SGCZ: variants seen among roughly 807,000 people sequenced by gnomAD.
The protein encoded by SGCZ is sarcoglycan zeta.
Under a neutral mutation model 41.3 loss-of-function variants are expected in SGCZ, and 40 were observed. The ratio of observed to expected loss-of-function variants is 0.97; its 90% CI spans 0.75 to 1.26. The LOEUF is 1.26. Among genes scored for constraint, SGCZ ranks in the 50% most tolerant of loss-of-function variants. The pLI, the probability that SGCZ is intolerant of heterozygous loss-of-function variation, is 0.00. For synonymous variants in SGCZ, 206 were observed against 137.5 expected (o/e 1.50, Z -3.49); for missense variants, 552 against 369.8 (o/e 1.49, Z -4.04).
chr8:14,803,185 AAAT>A (rs1801384504), intron 1 of SGCZ, among the ~76,000 whole-genome samples: 1 of 152,166 alleles, frequency 6.6e-6, no homozygotes, highest in Admixed American at 6.5e-5. Flanking sequence ...TAAAAAAGTG[AAAT>A]AATCACCTTT....
At chr8:15,218,579 A>C (rs1801493125) in intron 1 of SGCZ, among the ~76,000 whole-genome samples, 1 of 152,222 alleles carries the variant, frequency 6.6e-6, no homozygotes, top group East Asian at 1.9e-4. Flanking sequence ...CCCAGGACAG[A>C]TTTTAACATG....
At chr8:14,115,864 C>T (rs1159011494) in intron 5 of SGCZ, among the ~76,000 whole-genome samples, 2 of 151,928 alleles carry the variant, frequency 1.3e-5, no homozygotes, top group African/African-American at 4.8e-5. Flanking sequence ...TCTTCAAGCT[C>T]TTCACCACTA....
chr8:14,761,145 T>C (rs1717668179), intron 1 of SGCZ, among the ~76,000 whole-genome samples: 1 of 152,204 alleles, frequency 6.6e-6, no homozygotes, highest in Non-Finnish European at 1.5e-5. Context: ...TCACAGTGCT[T>C]TCACGGTCTT....
In SGCZ at chr8:14,088,180, G is replaced by C. The variant is rs1801580696; in HGVS notation, c.*2263C>G. Among the ~76,000 whole-genome samples the C allele has an allele frequency of 6.6e-6, 1 of 151,168 alleles. No homozygotes were observed. Among genetic ancestry groups the C allele is most frequent in the Non-Finnish European group, 1.5e-5 (1 of 67,684 alleles). ...GAACTTGAATTAGAACTTGAAATTA[G>C]AACATGTTGGAACAGAAAGGAACCC... On this transcript the variant is annotated 3_prime_UTR_variant, in exon 8 of 8. Transcript: ENST00000382080.
intron 1 of SGCZ, among the ~76,000 whole-genome samples, chr8:14,802,087 A>G (rs2130505772): frequency 6.6e-6 from 1 of 152,340 alleles, no homozygotes; most frequent in South Asian, 2.1e-4. Flanking sequence ...GTTGGAAATG[A>G]CGGGTTGCGT....
At chr8:14,101,838 G>A (rs937975646) in intron 7 of SGCZ, among the ~76,000 whole-genome samples, 11 of 151,488 alleles carry the variant, frequency 7.3e-5, no homozygotes, top group Non-Finnish European at 1.0e-4. Flanking sequence ...TCCAGGGGAA[G>A]CATAAAGAAG....
At chr8:14,224,780 T>A (rs559857798) in intron 4 of SGCZ, among the ~76,000 whole-genome samples, 4 of 152,144 alleles carry the variant, frequency 2.6e-5, no homozygotes, top group African/African-American at 9.6e-5. Context: ...CATCATTAAA[T>A]TACTTGTAAC....
chr8:15,107,534 C>G (rs1393246268), intron 1 of SGCZ, among the ~76,000 whole-genome samples: 1 of 152,194 alleles, frequency 6.6e-6, no homozygotes, highest in Non-Finnish European at 1.5e-5. Context: ...ACCCAGTCCC[C>G]TTCTACTTTT....
intron 3 of SGCZ, among the ~76,000 whole-genome samples, chr8:14,312,643 A>AGAAGAGGAAGAG (rs199965823): frequency 2.6e-5 from 4 of 151,990 alleles, no homozygotes; most frequent in Non-Finnish European, 5.9e-5. Context: ...AGAAAGAAGA[A>AGAAGAGGAAGAG]GAAGAGGAAG....
At chr8:14,748,958 T>C (rs1275838930) in intron 1 of SGCZ, among the ~76,000 whole-genome samples, 2 of 152,150 alleles carry the variant, frequency 1.3e-5, no homozygotes, top group Non-Finnish European at 1.5e-5. Context: ...AATATACATA[T>C]TTATAATCAT....
At chr8:15,189,368 C>G (rs1585655542) in intron 1 of SGCZ, among the ~76,000 whole-genome samples, 1 of 152,092 alleles carries the variant, frequency 6.6e-6, no homozygotes, top group Non-Finnish European at 1.5e-5. Context: ...GAATCATGAC[C>G]TCCTGAAAGA....
intron 1 of SGCZ, among the ~76,000 whole-genome samples, chr8:15,045,417 C>T (rs1342405509): frequency 6.6e-6 from 1 of 151,936 alleles, no homozygotes; most frequent in Admixed American, 6.6e-5. Flanking sequence ...GATATGACTC[C>T]ACAAATCTCC....
At chr8:14,572,125 A>C (rs1350221106) in intron 1 of SGCZ, among the ~76,000 whole-genome samples, 1 of 152,174 alleles carries the variant, frequency 6.6e-6, no homozygotes, top group Non-Finnish European at 1.5e-5. Context: ...ATTAAGATGA[A>C]ATTGCATTAA....
chr8:14,114,224 T>G (rs1417587930), intron 5 of SGCZ, among the ~76,000 whole-genome samples: 1 of 152,052 alleles, frequency 6.6e-6, no homozygotes, highest in Non-Finnish European at 1.5e-5. Context: ...AACAAAAGCA[T>G]GCATAAAATG....
intron 4 of SGCZ, among the ~76,000 whole-genome samples, chr8:14,210,133 C>G (rs948525519): frequency 5.3e-5 from 8 of 152,156 alleles, no homozygotes; most frequent in African/African-American, 1.9e-4. Context: ...TCCTGGCTCA[C>G]AGCAACCTCC....
intron 1 of SGCZ, among the ~76,000 whole-genome samples, chr8:14,811,968 T>A (rs1272153414): frequency 6.6e-6 from 1 of 152,018 alleles, no homozygotes; most frequent in Non-Finnish European, 1.5e-5. Flanking sequence ...AGTTCTCATC[T>A]GTACCCTGAG....
chr8:14,743,342 C>T (rs527343052), intron 1 of SGCZ, among the ~76,000 whole-genome samples: 1 of 151,834 alleles, frequency 6.6e-6, no homozygotes, highest in Non-Finnish European at 1.5e-5. Flanking sequence ...TTACAAATAA[C>T]CATATTGCTT....
intron 1 of SGCZ, among the ~76,000 whole-genome samples, chr8:14,979,047 C>T (rs1480918725): frequency 6.6e-6 from 1 of 152,162 alleles, no homozygotes; most frequent in Non-Finnish European, 1.5e-5. Flanking sequence ...GATTCACCTG[C>T]CTCAGCCTTC....
chr8:14,546,303 G>A (rs1380558026), intron 2 of SGCZ, among the ~76,000 whole-genome samples: 3 of 152,118 alleles, frequency 2.0e-5, no homozygotes, highest in South Asian at 2.1e-4. Flanking sequence ...AATGAATTCG[G>A]AAAATGGAAA....
Sources: gnomAD v4.1 joint callset for allele counts (sites outside exome capture counted in the v4.1 genomes callset) on GRCh38, gnomAD v4.1.1 for gene constraint, MANE v1.5 for transcripts, NCBI Gene and HGNC (gene_info 2026-07-23, HGNC 2026-07-21) for gene names.